GPHN: variants seen among roughly 807,000 people sequenced by gnomAD.
The protein encoded by GPHN is gephyrin.
A neutral mutation model predicts 95.5 loss-of-function variants in GPHN; 17 were observed. The ratio of observed to expected loss-of-function variants is 0.18; its 90% confidence interval spans 0.12 to 0.27. GPHN has a LOEUF of 0.27. GPHN is among the 10% of genes least tolerant of loss of function. The probability of loss-of-function intolerance (pLI) is 1.00; values close to 1 mark genes in which losing one functional copy is unlikely to be tolerated. For missense variants in GPHN, 660 were observed against 978.1 expected (o/e 0.67, Z 4.34); for synonymous variants, 320 against 322.5 (o/e 0.99, Z 0.08).
At chr14:67,593,620 TAA>T in the GPHN span, 1 of 616,636 alleles carries the variant, frequency 1.6e-6, no homozygotes, top group East Asian at 2.7e-5. Context: ...TCTTTAAAAA[TAA>T]AGAGATTTAC....
chr14:66,660,853 A>G (rs2065600419), intron 1 of GPHN, among the ~76,000 whole-genome samples: 1 of 152,054 alleles, frequency 6.6e-6, no homozygotes, highest in African/African-American at 2.4e-5. Flanking sequence ...AAGAGAACCT[A>G]CCCCTGCCCA....
intron 2 of GPHN, among the ~76,000 whole-genome samples, chr14:66,690,061 A>G (rs2067672112): frequency 6.6e-6 from 1 of 151,176 alleles, no homozygotes; most frequent in Admixed American, 6.6e-5. Context: ...TTCAGCTTGG[A>G]TATTTTTTAT....
intron 1 of GPHN, among the ~76,000 whole-genome samples, chr14:66,553,650 C>A (rs985698043): frequency 6.6e-6 from 1 of 151,960 alleles, no homozygotes; most frequent in African/African-American, 2.4e-5. Context: ...GATCTCTGTT[C>A]ACTGCAACTT....
chr14:67,363,786 A>T, the GPHN span, among the ~76,000 whole-genome samples: 6 of 152,202 alleles, frequency 3.9e-5, no homozygotes, highest in African/African-American at 9.6e-5. Flanking sequence ...ATAAGTTATT[A>T]TATGAATTTT....
At chr14:67,559,875 G>A in the GPHN span, among the ~76,000 whole-genome samples, 2 of 152,082 alleles carry the variant, frequency 1.3e-5, no homozygotes, top group African/African-American at 4.8e-5. Flanking sequence ...TTTTGTCTTG[G>A]TTGGGTCTCC....
the GPHN span, among the ~76,000 whole-genome samples, chr14:67,237,331 A>T: frequency 6.6e-6 from 1 of 152,106 alleles, no homozygotes; most frequent in African/African-American, 2.4e-5. Flanking sequence ...ATACTAGTGA[A>T]GACCTGGTTT....
At chr14:67,086,820 T>C (rs1033726284) in intron 11 of GPHN, among the ~76,000 whole-genome samples, 3 of 150,016 alleles carry the variant, frequency 2.0e-5, no homozygotes, top group East Asian at 2.0e-4. Context: ...GGGCGGATCA[T>C]GAGGTCAGGA....
chr14:66,961,677 A>C (rs566691344), intron 8 of GPHN, among the ~76,000 whole-genome samples: 1 of 151,648 alleles, frequency 6.6e-6, no homozygotes, highest in Admixed American at 6.6e-5. Flanking sequence ...ACTCTCACTA[A>C]GAATCAGAGA....
chr14:66,744,940 G>A (rs749273059), intron 2 of GPHN, among the ~76,000 whole-genome samples: 1 of 151,992 alleles, frequency 6.6e-6, no homozygotes, highest in Non-Finnish European at 1.5e-5. Context: ...AGGAAGATTC[G>A]TCCCTGTGGT....
At chr14:67,204,858 T>C in the GPHN span, 1 of 1,613,908 alleles carries the variant, frequency 6.2e-7, no homozygotes, top group East Asian at 2.2e-5. Context: ...GCCCTGAACA[T>C]GTCAGGGACA....
At chr14:67,591,539 T>A in the GPHN span, among the ~76,000 whole-genome samples, 4 of 152,300 alleles carry the variant, frequency 2.6e-5, no homozygotes, top group Non-Finnish European at 5.9e-5. Flanking sequence ...TATGTTTGTA[T>A]AATTTTTGTT....
chr14:66,921,796 C>T (rs546258921), intron 6 of GPHN, among the ~76,000 whole-genome samples: 136 of 152,182 alleles, frequency 8.9e-4, no homozygotes, highest in South Asian at 3.7e-3. Flanking sequence ...CATCACATTA[C>T]GTGATTTCAA....
the GPHN span, chr14:67,474,018 C>T: frequency 2.1e-6 from 3 of 1,423,954 alleles, no homozygotes; most frequent in Non-Finnish European, 2.8e-6. Context: ...TTTGGGAGGC[C>T]GAGGCGGCGG....
In GPHN at chr14:67,067,606, C is replaced by T. The variant is rs547558917; in HGVS notation, c.1144+8820C>T. On this transcript the variant is annotated intron_variant, in intron 11 of 22. Coordinates refer to ENST00000478722, the MANE Select transcript of GPHN (RefSeq NM_020806.5). ...GGCCTTGCTGAGCTGTGGTGAGCTC[C>T]GCCCAGTTCAAGCTTCCTGGCCACT... Among the ~76,000 whole-genome samples, 15 of 152,320 alleles carry T rather than the reference C, an allele frequency of 9.8e-5. No individual in the cohort carries two copies. In the South Asian group the frequency reaches 2.9e-3, roughly 29 times the overall value.
the GPHN span, chr14:67,573,765 A>G: frequency 5.0e-6 from 7 of 1,389,192 alleles, no homozygotes; most frequent in African/African-American, 5.7e-5. This position sits in a 1 kb window ranked among gnomAD's most constrained non-coding sequence, Gnocchi z 4.8. Flanking sequence ...AAGGCTCCAC[A>G]TTCAGTGGCT....
At chr14:67,580,169 G>A in the GPHN span, 1 of 303,990 alleles carries the variant, frequency 3.3e-6, no homozygotes. Flanking sequence ...GGGACAGTGA[G>A]GCCCCACGAA....
intron 3 of GPHN, among the ~76,000 whole-genome samples, chr14:66,812,354 T>A (rs1230239667): frequency 6.6e-6 from 1 of 152,204 alleles, no homozygotes; most frequent in East Asian, 1.9e-4. Flanking sequence ...CAGTGTCTAT[T>A]CAACATATCA....
At chr14:66,640,666 T>C (rs1462032004) in intron 1 of GPHN, among the ~76,000 whole-genome samples, 4 of 152,164 alleles carry the variant, frequency 2.6e-5, no homozygotes, top group Admixed American at 6.5e-5. Flanking sequence ...TCACCTTGGA[T>C]TTAATACAGG....
intron 2 of GPHN, among the ~76,000 whole-genome samples, chr14:66,723,674 T>C (rs918322207): frequency 2.0e-5 from 3 of 152,158 alleles, no homozygotes; most frequent in Non-Finnish European, 4.4e-5. Flanking sequence ...CTGGTAGAGA[T>C]AGCATAAGTT....
Sources: gnomAD v4.1 joint callset for allele counts (sites outside exome capture counted in the v4.1 genomes callset) on GRCh38, gnomAD v4.1.1 for gene constraint, Gnocchi (gnomAD v3.1) non-coding constraint, MANE v1.5 for transcripts, NCBI Gene and HGNC (gene_info 2026-07-23, HGNC 2026-07-21) for gene names.